PRKACB: variants seen among roughly 807,000 people sequenced by gnomAD.
The protein encoded by PRKACB is cAMP-dependent protein kinase catalytic subunit beta.
Under a neutral mutation model 51.4 loss-of-function variants are expected in PRKACB, and 16 were observed. The observed-to-expected ratio is 0.31, with a 90% CI of 0.21 to 0.47. PRKACB has a LOEUF of 0.47. PRKACB is among the 20% of genes least tolerant of loss of function. The pLI is 1.00. For missense variants in PRKACB, 309 were observed against 464.5 expected (o/e 0.67, Z 3.08); for synonymous variants, 147 against 154.4 (o/e 0.95, Z 0.35).
rs939829275 is a variant in PRKACB at position 84,155,487 on chromosome 1, T to C, written c.187+10939T>C. ...AATGCCATCTCTTCCAAAGTTTCAATGACAGGTTTCGCAAAAATAGGAAAA... is the reference window on the plus strand; with the variant it reads ...AATGCCATCTCTTCCAAAGTTTCAACGACAGGTTTCGCAAAAATAGGAAAA... On this transcript the variant is annotated intron_variant, in intron 1 of 9. Transcript: ENST00000370685. Among the ~76,000 whole-genome samples the C allele has an allele frequency of 2.6e-5, 4 of 152,300 alleles. No individual in the cohort carries two copies. In the East Asian group the frequency reaches 7.7e-4, roughly 29 times the overall value.
At chr1:84,168,193 GTAGAA>G (rs1658158021) in intron 1 of PRKACB, among the ~76,000 whole-genome samples, 1 of 151,570 alleles carries the variant, frequency 6.6e-6, no homozygotes, top group African/African-American at 2.4e-5. Context: ...GTTCCAAAGA[GTAGAA>G]TTGATTTGGA....
At chr1:84,119,457 A>G (rs1344686620) in intron 1 of PRKACB, among the ~76,000 whole-genome samples, 2 of 152,088 alleles carry the variant, frequency 1.3e-5, no homozygotes, top group African/African-American at 2.4e-5. Flanking sequence ...ATACCCTTCT[A>G]CTGATGCTTT....
intron 1 of PRKACB, among the ~76,000 whole-genome samples, chr1:84,160,824 C>T (rs1656088895): frequency 6.6e-6 from 1 of 151,414 alleles, no homozygotes; most frequent in Admixed American, 6.6e-5. Context: ...CTTAATTCTG[C>T]TGTGATTATA....
intron 9 of PRKACB, among the ~76,000 whole-genome samples, chr1:84,224,411 A>G (rs1572546063): frequency 6.6e-6 from 1 of 152,188 alleles, no homozygotes; most frequent in Non-Finnish European, 1.5e-5. Context: ...TGGCAGGCCA[A>G]CCCTCAGGCT....
intron 2 of PRKACB, chr1:84,181,578 G>A: frequency 1.2e-6 from 1 of 848,168 alleles, no homozygotes; most frequent in Non-Finnish European, 1.6e-6. Context: ...GTAGAATGAG[G>A]AACTCTTCTT....
rs1433072699 is a variant in PRKACB, at chr1:84,079,188, C to CAT, written c.46+824_46+825dup. Among the ~76,000 whole-genome samples, 4 of 152,112 alleles carry CAT rather than the reference C, an allele frequency of 2.6e-5. No homozygotes were observed. The East Asian group carries it at 7.7e-4, about 29-fold the overall frequency. On this transcript the variant is annotated intron_variant, in intron 1 of 8. Transcript: ENST00000370688. The stretch of plus-strand genomic sequence containing the variant: ...GTTTGTGTGTGCATGTATACACATG[C>CAT]ATATATATGTGTGTATATATGTGTC...
intron 1 of PRKACB, among the ~76,000 whole-genome samples, chr1:84,104,890 C>T (rs960067081): frequency 1.3e-5 from 2 of 152,032 alleles, no homozygotes; most frequent in African/African-American, 2.4e-5. Context: ...TCCTCAGTAC[C>T]TTGCATCTAC....
chr1:84,191,206 C>T (rs2101103275), intron 5 of PRKACB, among the ~76,000 whole-genome samples: 1 of 152,226 alleles, frequency 6.6e-6, no homozygotes, highest in Admixed American at 6.6e-5. Context: ...ACTTGTAAGG[C>T]TGATCTGGTG....
intron 9 of PRKACB, among the ~76,000 whole-genome samples, chr1:84,230,671 G>C (rs1374906863): frequency 2.7e-5 from 4 of 149,434 alleles, no homozygotes; most frequent in African/African-American, 5.0e-5. Context: ...TGGATTCCTA[G>C]GTATTTTATT....
intron 7 of PRKACB, 34 bp downstream of exon 7, chr1:84,197,858 A>G: frequency 7.0e-7 from 1 of 1,433,506 alleles, no homozygotes; most frequent in Non-Finnish European, 9.8e-7. Flanking sequence ...AAGAAGTAGA[A>G]ATATGAGACA....
intron 5 of PRKACB, among the ~76,000 whole-genome samples, chr1:84,194,208 A>G (rs191125440): frequency 6.3e-4 from 96 of 152,282 alleles, no homozygotes; most frequent in African/African-American, 2.2e-3. Context: ...TGTTCTCAAA[A>G]AAGTTTTTGT....
intron 1 of PRKACB, among the ~76,000 whole-genome samples, chr1:84,177,481 C>T (rs1251147143): frequency 6.6e-6 from 1 of 152,068 alleles, no homozygotes; most frequent in Non-Finnish European, 1.5e-5. Context: ...TGGCTCACAC[C>T]TCTAATCCTA....
intron 8 of PRKACB, among the ~76,000 whole-genome samples, chr1:84,211,348 A>G (rs1473309067): frequency 6.6e-6 from 1 of 152,158 alleles, no homozygotes; most frequent in South Asian, 2.1e-4. Context: ...AGTTCACACA[A>G]ATTTAATCTT....
intron 1 of PRKACB, among the ~76,000 whole-genome samples, chr1:84,158,775 C>G (rs1655828575): frequency 6.6e-6 from 1 of 152,018 alleles, no homozygotes; most frequent in Non-Finnish European, 1.5e-5. Context: ...TCAATCTGTA[C>G]TTCCTTCTAA....
intron 8 of PRKACB, among the ~76,000 whole-genome samples, chr1:84,208,712 T>A (rs1218520540): frequency 2.6e-5 from 4 of 152,192 alleles, no homozygotes; most frequent in African/African-American, 9.6e-5. Flanking sequence ...GCTTAAAAAA[T>A]AAAAACTGTG....
At chr1:84,234,788 G>T (rs1016121705) in intron 9 of PRKACB, among the ~76,000 whole-genome samples, 1 of 152,022 alleles carries the variant, frequency 6.6e-6, no homozygotes, top group African/African-American at 2.4e-5. Flanking sequence ...CACGGTGCGT[G>T]CACCCACTGA....
At chr1:84,082,312 C>T (rs1354534468) in intron 1 of PRKACB, among the ~76,000 whole-genome samples, 2 of 152,104 alleles carry the variant, frequency 1.3e-5, no homozygotes, top group Non-Finnish European at 2.9e-5. Context: ...AATTATAGCA[C>T]ATTTCAGTTT....
intron 1 of PRKACB, among the ~76,000 whole-genome samples, chr1:84,082,571 T>A (rs1042653749): frequency 6.6e-6 from 1 of 152,138 alleles, no homozygotes; most frequent in Admixed American, 6.5e-5. Flanking sequence ...AAAATTATTA[T>A]TTGAACTTGT....
intron 1 of PRKACB, chr1:84,165,035 C>G: frequency 6.8e-7 from 1 of 1,469,294 alleles, no homozygotes; most frequent in Non-Finnish European, 9.2e-7. Context: ...CTCTGAGACT[C>G]TGCAGCTGTT....
Sources: allele counts gnomAD v4.1 joint callset (sites outside exome capture counted in the v4.1 genomes callset), GRCh38; gene constraint gnomAD v4.1.1; transcripts MANE v1.5; gene names NCBI Gene and HGNC (gene_info 2026-07-23, HGNC 2026-07-21).